GEMIN5: variants seen among roughly 807,000 people sequenced by gnomAD.
The protein encoded by GEMIN5 is gem nuclear organelle associated protein 5.
A neutral mutation model predicts 176.9 loss-of-function variants in GEMIN5; 124 were observed. The ratio of observed to expected loss-of-function variants is 0.70; its 90% CI spans 0.61 to 0.81. GEMIN5 has a LOEUF of 0.81. Among genes scored for constraint, GEMIN5 ranks in the 40% least tolerant of loss-of-function variants. GEMIN5 has a pLI of 0.00. For synonymous variants in GEMIN5, 673 were observed against 665.2 expected (o/e 1.01, Z -0.18); for missense variants, 1,843 against 1,814.6 (o/e 1.02, Z -0.28).
chr5:154,891,826 T>C lies in GEMIN5; in HGVS notation c.3761-84A>G, dbSNP rs924131685. On this transcript the variant is annotated intron_variant, in intron 25 of 27. Coordinates refer to ENST00000285873, the MANE Select transcript of GEMIN5 (RefSeq NM_015465.5). ...CTTCCTGCCCTTATGTTCTATTTCT[T>C]ATCAACCAAGAAGCAGACCCCAGGA... 3.7e-6 allele frequency: 5 copies of C among 1,358,674 alleles called. No individual in the cohort carries two copies. The African/African-American group carries it at 7.3e-5, about 20-fold the overall frequency. 84.2% of individuals were successfully genotyped at this position (1,358,674 alleles called of 1,614,324 possible). A position where few individuals can be genotyped will look rare whatever the true frequency, so the allele number is the denominator to read the frequency against.
In GEMIN5 at chr5:154,893,723, A is replaced by G. The variant is rs967251313; in HGVS notation, c.3598-1174T>C. On this transcript the variant is annotated intron_variant, in intron 24 of 27. Transcript: ENST00000285873. ...GTCTTTTGTGTCTTTAAAGCTTTTG[A>G]GATTCACCGATATTCTTCTTCTTCT... 1.3e-5 allele frequency among the ~76,000 whole-genome samples: 2 copies of G among 152,038 alleles called. 1 individual carries two copies. Among genetic ancestry groups the G allele is most frequent in the Non-Finnish European group, 2.9e-5 (2 of 68,004 alleles).
At position 154,917,191 on chromosome 5, in the gene GEMIN5, A is replaced by C. The variant is rs1763830228; in HGVS notation, c.1674-12T>G. ...ATATTTCTATTGATCTGGAATAAGA[A>C]ACACATCAAAACAAGAAAGATGGAT... On this transcript the variant is annotated splice_polypyrimidine_tract_variant and intron_variant, in intron 12 of 27. Coordinates refer to ENST00000285873, the MANE Select transcript of GEMIN5 (RefSeq NM_015465.5). 2 of 1,399,236 alleles carry C rather than the reference A, an allele frequency of 1.4e-6. No homozygotes were observed. Among genetic ancestry groups the C allele is most frequent in the Non-Finnish European group, 1.9e-6 (2 of 1,038,090 alleles). 86.7% of individuals were successfully genotyped at this position (1,399,236 alleles called of 1,614,324 possible).
intron 2 of GEMIN5, among the ~76,000 whole-genome samples, chr5:154,936,775 T>C (rs956748775): frequency 1.3e-5 from 2 of 152,234 alleles, no homozygotes; most frequent in Non-Finnish European, 2.9e-5. Flanking sequence ...AATACTTAAA[T>C]GAATTAGTGT....
chr5:154,920,234 T>C (rs1383109414), intron 10 of GEMIN5, 131 bp from the exon 11 acceptor site: 3 of 595,016 alleles, frequency 5.0e-6, no homozygotes, highest in African/African-American at 3.8e-5. Context: ...TTCTAATACA[T>C]TGGAATAAAA....
At chr5:154,933,733 CG>C in intron 3 of GEMIN5, among the ~76,000 whole-genome samples, 1 of 152,106 alleles carries the variant, frequency 6.6e-6, no homozygotes, top group Admixed American at 6.5e-5. Flanking sequence ...TTTGAAGACC[CG>C]GACTTTGAAA....
At chr5:154,930,080 C>T (rs765219856) in intron 5 of GEMIN5, among the ~76,000 whole-genome samples, 4 of 152,064 alleles carry the variant, frequency 2.6e-5, no homozygotes, top group African/African-American at 4.8e-5. Context: ...CCTGCTCCAT[C>T]CTGACTCATT....
intron 5 of GEMIN5, among the ~76,000 whole-genome samples, chr5:154,928,945 C>T (rs549010901): frequency 1.1e-4 from 16 of 150,936 alleles, no homozygotes; most frequent in Admixed American, 7.2e-4. Context: ...TTTTTTTGGC[C>T]GGGCGCGGTG....
chr5:154,918,833 G>C (rs1316862964), intron 11 of GEMIN5, among the ~76,000 whole-genome samples: 1 of 151,894 alleles, frequency 6.6e-6, no homozygotes, highest in Non-Finnish European at 1.5e-5. Flanking sequence ...CTTGAGGCCA[G>C]GAGTCCGAGA....
chr5:154,932,333 A>G (rs1191626646), intron 3 of GEMIN5, 83 bp from the exon 4 acceptor site: 2 of 921,796 alleles, frequency 2.2e-6, no homozygotes, highest in Non-Finnish European at 3.3e-6. Flanking sequence ...TGGAGTTACC[A>G]TTGGCGCATT....
chr5:154,893,109 C>G (rs1561708473), intron 24 of GEMIN5, among the ~76,000 whole-genome samples: 1 of 151,578 alleles, frequency 6.6e-6, no homozygotes, highest in Non-Finnish European at 1.5e-5. Context: ...AACAAACAAA[C>G]AAACAACAAA....
At chr5:154,923,633 A>G (rs2113500380) in intron 9 of GEMIN5, among the ~76,000 whole-genome samples, 1 of 152,324 alleles carries the variant, frequency 6.6e-6, no homozygotes, top group Non-Finnish European at 1.5e-5. Context: ...TAATCTTCAT[A>G]TGTCATAAAA....
chr5:154,932,913 CTCTT>C (rs924158969), intron 3 of GEMIN5, among the ~76,000 whole-genome samples: 2 of 152,162 alleles, frequency 1.3e-5, no homozygotes, highest in Admixed American at 6.5e-5. Flanking sequence ...GGAAAATAAT[CTCTT>C]TCTTTATAAG....
chr5:154,921,272 C>CT, intron 10 of GEMIN5, 71 bp downstream of exon 10: 3 of 808,944 alleles, frequency 3.7e-6, no homozygotes, highest in South Asian at 1.4e-5. Flanking sequence ...CTCTTTCCAT[C>CT]TTTAATATTT....
At chr5:154,929,461 GTTT>G in intron 5 of GEMIN5, among the ~76,000 whole-genome samples, 1 of 152,294 alleles carries the variant, frequency 6.6e-6, no homozygotes, top group Non-Finnish European at 1.5e-5. Flanking sequence ...TCTAATCACC[GTTT>G]TTTAAGCTGT....
chr5:154,914,297 A>C (rs1011122796), intron 13 of GEMIN5, among the ~76,000 whole-genome samples: 2 of 152,230 alleles, frequency 1.3e-5, no homozygotes, highest in African/African-American at 4.8e-5. Flanking sequence ...CCGGGATTAT[A>C]GGCGTGAGCC....
Position 154,888,137 on chromosome 5 carries a change from G to T in GEMIN5, c.*73C>A. 7.4e-7 allele frequency: 1 copy of T among 1,356,070 alleles called. No individual in the cohort carries two copies. Among genetic ancestry groups the T allele is most frequent in the Non-Finnish European group, 1.1e-6 (1 of 949,280 alleles). The allele number at this position is 1,356,070 out of a possible 1,614,324, so 84.0% of individuals were successfully genotyped here. A position where few individuals can be genotyped will look rare whatever the true frequency, so the allele number is the denominator to read the frequency against. On this transcript the variant is annotated 3_prime_UTR_variant, in exon 28 of 28. Transcript: ENST00000285873. ...ATCTAGGGACCAGAGTGAATGTCTG[G>T]TGAGGCATAACTGCAGAGGTGAAAG... is the stretch of plus-strand genomic sequence containing the variant.
chr5:154,889,210 A>C, intron 27 of GEMIN5, 111 bp downstream of exon 27: 203 of 613,502 alleles, frequency 3.3e-4, no homozygotes, highest in East Asian at 5.7e-4. Flanking sequence ...ATGAATGGGT[A>C]GAGATTTTAG....
chr5:154,919,659 C>T (rs1451801145), intron 11 of GEMIN5, among the ~76,000 whole-genome samples: 1 of 152,212 alleles, frequency 6.6e-6, no homozygotes, highest in Non-Finnish European at 1.5e-5. Context: ...TTATACATAA[C>T]ACCTGAAAGT....
intron 13 of GEMIN5, among the ~76,000 whole-genome samples, chr5:154,915,121 C>T (rs1313510483): frequency 6.6e-6 from 1 of 152,134 alleles, no homozygotes; most frequent in Non-Finnish European, 1.5e-5. Flanking sequence ...AGCTTTCTAA[C>T]TTATGTTCAT....
Sources: gnomAD v4.1 joint callset for allele counts (sites outside exome capture counted in the v4.1 genomes callset) on GRCh38, gnomAD v4.1.1 for gene constraint, MANE v1.5 for transcripts, NCBI Gene and HGNC (gene_info 2026-07-23, HGNC 2026-07-21) for gene names.